Variants in ATXN7L3 observed in about 807,000 individuals in gnomAD.
ATXN7L3 encodes ataxin 7 like 3.
ATXN7L3 carries 6 observed loss-of-function variants against 50.0 expected under a neutral mutation model. That is an observed-to-expected ratio of 0.12 (90% confidence interval 0.07 to 0.24). The LOEUF (loss-of-function observed/expected upper bound fraction) is 0.24, where lower values mean the gene tolerates loss of function less well. ATXN7L3 is among the 10% of genes least tolerant of loss of function. ATXN7L3 has a pLI of 1.00. For synonymous variants in ATXN7L3, 198 were observed against 165.8 expected (o/e 1.19, Z -1.49); for missense variants, 322 against 451.3 (o/e 0.71, Z 2.60).
Position 44,197,591 on chromosome 17 carries a change from A to G in ATXN7L3, c.184+7T>C. ...CTGGACTGCTGCTCCTTCACCCTGA[A>G]GCTCACCAAAATCCTTCATGCTATC... On this transcript the variant is annotated splice_region_variant and intron_variant, in intron 3 of 12. Coordinates refer to ENST00000587097, the MANE Select transcript of ATXN7L3 (RefSeq NM_001382309.1). 1 of 1,614,260 alleles carries G rather than the reference A, an allele frequency of 6.2e-7. No individual in the cohort carries two copies. The highest frequency in any genetic ancestry group is 8.5e-7 in the Non-Finnish European group (1 of 1,180,042).
intron 1 of ATXN7L3, 155 bp downstream of exon 1, chr17:44,199,341 G>A (rs1196074895): frequency 5.3e-5 from 8 of 151,130 alleles, no homozygotes; most frequent in African/African-American, 1.5e-4. Flanking sequence ...CGGGAAGCTG[G>A]GGGAAGCCGG....
At chr17:44,198,707 G>A (rs1271286531) in intron 1 of ATXN7L3, among the ~76,000 whole-genome samples, 2 of 151,660 alleles carry the variant, frequency 1.3e-5, no homozygotes, top group Admixed American at 6.6e-5. Context: ...CTAGAGCTAA[G>A]GGACATTTCT....
At chr17:44,196,885 A>G in intron 5 of ATXN7L3, 44 bp downstream of exon 5, 1 of 1,438,850 alleles carries the variant, frequency 6.9e-7, no homozygotes, top group South Asian at 1.1e-5. Context: ...CCTGCTTCCC[A>G]CCTCATCCCA....
intron 7 of ATXN7L3, 98 bp downstream of exon 7, chr17:44,195,936 C>G: frequency 1.9e-6 from 3 of 1,556,670 alleles, no homozygotes; most frequent in Non-Finnish European, 2.6e-6. Flanking sequence ...CACAGGCCCT[C>G]CCTCAATTCC....
rs1239876954 is a variant in ATXN7L3, at chr17:44,195,147, G to A, written c.622-7C>T. The A allele has an allele frequency of 7.4e-6, 12 of 1,613,702 alleles. No homozygotes were observed. Among genetic ancestry groups the A allele is most frequent in the Non-Finnish European group, 1.0e-5 (12 of 1,179,718 alleles). ...CAGAAATCACCCCACATTGCTGGAA[G>A]AGGAATATAAGCTGAAAGGAGGGAT... On this transcript the variant is annotated splice_polypyrimidine_tract_variant and splice_region_variant and intron_variant, in intron 9 of 12. Coordinates refer to ENST00000587097, the MANE Select transcript of ATXN7L3 (RefSeq NM_001382309.1).
At chr17:44,197,508 G>A (rs1367021523) in intron 3 of ATXN7L3, 90 bp downstream of exon 3, 3 of 1,590,824 alleles carry the variant, frequency 1.9e-6, no homozygotes, top group Non-Finnish European at 2.6e-6. Context: ...AGGAGCTCCA[G>A]GTGCTACATC....
intron 1 of ATXN7L3, chr17:44,198,428 G>A: frequency 4.0e-6 from 1 of 250,112 alleles, no homozygotes; most frequent in Non-Finnish European, 7.6e-6. Context: ...TACCCATGGT[G>A]CAATGCAGCA....
At position 44,192,828 on chromosome 17, in the gene ATXN7L3, C is replaced by T. The variant is rs2055742836; in HGVS notation, c.*1435G>A. 1.3e-5 allele frequency: 2 copies of T among 152,204 alleles called. No individual in the cohort carries two copies. Among genetic ancestry groups the T allele is most frequent in the Admixed American group, 1.3e-4 (2 of 15,288 alleles). 9.4% of individuals were successfully genotyped at this position (152,204 alleles called of 1,614,324 possible). ...CGATCAGTCCAACCAGTCCTGGGTACTAACTACCCAAATGTGGGATGGCTC... is the reference window on the plus strand; with the variant it reads ...CGATCAGTCCAACCAGTCCTGGGTATTAACTACCCAAATGTGGGATGGCTC... On this transcript the variant is annotated 3_prime_UTR_variant, in exon 13 of 13. Transcript: ENST00000587097.
At chr17:44,198,168 A>T in intron 1 of ATXN7L3, 38 bp from the exon 2 acceptor site, 2 of 1,239,796 alleles carry the variant, frequency 1.6e-6, no homozygotes, top group African/African-American at 3.0e-5. Flanking sequence ...TGTGAGTCCA[A>T]GGCACCTCTG....
intron 2 of ATXN7L3, 86 bp downstream of exon 2, chr17:44,197,934 A>T: frequency 6.5e-7 from 1 of 1,549,896 alleles, no homozygotes; most frequent in Non-Finnish European, 8.9e-7. Flanking sequence ...CTGACTACCC[A>T]AATTCCTCTT....
intron 6 of ATXN7L3, 123 bp downstream of exon 6, chr17:44,196,273 A>G (rs2055888092): frequency 1.1e-5 from 6 of 569,034 alleles, no homozygotes; most frequent in Non-Finnish European, 1.5e-5. Context: ...CGGACCCACC[A>G]AAGACACCCT....
chr17:44,192,021 T>G lies in ATXN7L3; in HGVS notation c.*2242A>C, dbSNP rs935620557. ...CCCCTGGGCATGCGGGGGGGAGTGA[T>G]GCATGGAAGGAAAAGCCACCGGCCA... On this transcript the variant is annotated 3_prime_UTR_variant, in exon 13 of 13. Transcript: ENST00000587097. 1 of 152,024 alleles carries G rather than the reference T, an allele frequency of 6.6e-6. No individual in the cohort carries two copies. The highest frequency in any genetic ancestry group is 2.4e-5 in the African/African-American group (1 of 41,134). 9.4% of individuals were successfully genotyped at this position (152,024 alleles called of 1,614,324 possible).
At position 44,194,295 on chromosome 17, in the gene ATXN7L3, G is replaced by A. The variant is rs748037738; in HGVS notation, c.1012C>T (p.Pro338Ser). ...ATGTCATCATAGATGCTGGGCGTCGGGGGTGCCGGTGGCTTTGGCTTCTTC... is the reference window on the plus strand; with the variant it reads ...ATGTCATCATAGATGCTGGGCGTCGAGGGTGCCGGTGGCTTTGGCTTCTTC... ...KKKKPKPPAPPTPSIYDDIN is the reference protein window; with the variant it reads ...KKKKPKPPAPSTPSIYDDIN The change falls in exon 13 of 13, where the codon CCG (proline) becomes TCG (serine). Residue 338 changes from proline (P) to serine (S), a missense_variant. Pro to Ser is a moderately conservative substitution (Grantham distance 74, BLOSUM62 -1). Around this residue, in one of 5 missense-constraint regions of ATXN7L3, gnomAD observed 122 missense variants for 130.8 expected, o/e 0.93. Coordinates refer to ENST00000587097, the MANE Select transcript of ATXN7L3 (RefSeq NM_001382309.1). 6 of 1,614,204 alleles carry A rather than the reference G, an allele frequency of 3.7e-6. No homozygotes were observed. The highest frequency in any genetic ancestry group is 2.2e-5 in the East Asian group (1 of 44,880).
chr17:44,195,618 G>C, intron 8 of ATXN7L3, 131 bp from the exon 9 acceptor site: 1 of 1,221,264 alleles, frequency 8.2e-7, no homozygotes, highest in Non-Finnish European at 1.2e-6. Flanking sequence ...TTTTCCAAGT[G>C]ATTTCTCTCA....
At position 44,198,497 on chromosome 17, in the gene ATXN7L3, T is replaced by G. The variant is rs575948814; in HGVS notation, c.-60-367A>C. The G allele has an allele frequency of 2.3e-5, 4 of 176,448 alleles. No homozygotes were observed. The South Asian group carries it at 5.5e-4, about 24-fold the overall frequency. The allele number at this position is 176,448 out of a possible 1,614,324, so 10.9% of individuals were successfully genotyped here. ...AAACCCACAGGGTGTGGCAAAGAACTGCACAGACTCCTAAATACACCCCCC... is the reference window on the plus strand; with the variant it reads ...AAACCCACAGGGTGTGGCAAAGAACGGCACAGACTCCTAAATACACCCCCC... On this transcript the variant is annotated intron_variant, in intron 1 of 12. Transcript: ENST00000587097.
intron 1 of ATXN7L3, 31 bp downstream of exon 1, chr17:44,199,464 CG>C (rs1250569594): frequency 6.9e-6 from 1 of 144,384 alleles, no homozygotes; most frequent in African/African-American, 2.5e-5. Flanking sequence ...GCCCCTCCCC[CG>C]TCCCCGTCCC....
chr17:44,193,403 G>A lies in ATXN7L3; in HGVS notation c.*860C>T, dbSNP rs1336413177. ...AGGGTGAGGCTGGGTCCCTTCCTGG[G>A]GCAGGGAATGAGGTAAGAAAACATT... On this transcript the variant is annotated 3_prime_UTR_variant, in exon 13 of 13. Coordinates refer to ENST00000587097, the MANE Select transcript of ATXN7L3 (RefSeq NM_001382309.1). The A allele has an allele frequency of 6.6e-6, 1 of 152,618 alleles. No homozygotes were observed. Among genetic ancestry groups the A allele is most frequent in the African/African-American group, 2.4e-5 (1 of 41,404 alleles). The allele number at this position is 152,618 out of a possible 1,614,324, so 9.5% of individuals were successfully genotyped here. A position where few individuals can be genotyped will look rare whatever the true frequency, so the allele number is the denominator to read the frequency against.
At chr17:44,196,682 A>G (rs1406897683) in intron 5 of ATXN7L3, among the ~76,000 whole-genome samples, 1 of 150,372 alleles carries the variant, frequency 6.7e-6, no homozygotes, top group African/African-American at 2.5e-5. Context: ...GGAGGCTGAC[A>G]CAGGAGAATC....
At position 44,192,245 on chromosome 17, in the gene ATXN7L3, C is replaced by T. The variant is rs1463088584; in HGVS notation, c.*2018G>A. 2 of 152,264 alleles carry T rather than the reference C, an allele frequency of 1.3e-5. No individual in the cohort carries two copies. Among genetic ancestry groups the T allele is most frequent in the Non-Finnish European group, 2.9e-5 (2 of 68,078 alleles). The allele number at this position is 152,264 out of a possible 1,614,324, so 9.4% of individuals were successfully genotyped here. A position where few individuals can be genotyped will look rare whatever the true frequency, so the allele number is the denominator to read the frequency against. On this transcript the variant is annotated 3_prime_UTR_variant, in exon 13 of 13. Coordinates refer to ENST00000587097, the MANE Select transcript of ATXN7L3 (RefSeq NM_001382309.1). ...CCCCAGAAGGAAAAGGGTTTGTTCC[C>T]TCAGGGTCCCTGCTGGACCAAGCCC...
Sources: gnomAD v4.1 joint callset for allele counts (sites outside exome capture counted in the v4.1 genomes callset) on GRCh38, gnomAD v4.1.1 for gene constraint, gnomAD v4.1.1 regional missense constraint, MANE v1.5 for transcripts, NCBI Gene and HGNC (gene_info 2026-07-23, HGNC 2026-07-21) for gene names.